The following TRHDE variants were observed in gnomAD, a reference collection of about 807,000 sequenced individuals.
The protein encoded by TRHDE is thyrotropin-releasing hormone-degrading ectoenzyme.
TRHDE carries 72 observed loss-of-function variants against 125.7 expected under a neutral mutation model. The ratio of observed to expected loss-of-function variants is 0.57; its 90% CI spans 0.47 to 0.70. The LOEUF (loss-of-function observed/expected upper bound fraction) is 0.70. TRHDE is among the 30% of genes least tolerant of loss of function. The pLI, the probability that TRHDE is intolerant of heterozygous loss-of-function variation, is 0.00. For synonymous variants in TRHDE, 509 were observed against 509.1 expected (o/e 1.00, Z 0.00); for missense variants, 1,110 against 1,327.1 (o/e 0.84, Z 2.54).
rs1470273676 is a variant in TRHDE, at chr12:72,516,653, T to C, written c.1722+17018T>C. 2.6e-5 allele frequency among the ~76,000 whole-genome samples: 4 copies of C among 152,024 alleles called. No homozygotes were observed. The East Asian group carries it at 7.7e-4, about 29-fold the overall frequency. ...CCCTTTATTTCCTTCTCCTGCCTAATTGCCCTGGCCAGAACTTCCAACACT... is the reference window on the plus strand; with the variant it reads ...CCCTTTATTTCCTTCTCCTGCCTAACTGCCCTGGCCAGAACTTCCAACACT... On this transcript the variant is annotated intron_variant, in intron 6 of 18. Transcript: ENST00000261180.
At chr12:72,355,731 G>T (rs1363467930) in intron 2 of TRHDE, among the ~76,000 whole-genome samples, 1 of 151,730 alleles carries the variant, frequency 6.6e-6, no homozygotes, top group Non-Finnish European at 1.5e-5. Flanking sequence ...CCATTAAAAA[G>T]AGGGCATAGA....
intron 2 of TRHDE, among the ~76,000 whole-genome samples, chr12:72,307,405 C>A (rs540244873): frequency 6.7e-6 from 1 of 149,820 alleles, no homozygotes; most frequent in Non-Finnish European, 1.5e-5. Flanking sequence ...GAACTCCTGG[C>A]GTCAAGTGGA....
chr12:72,282,297 T>A lies in TRHDE; in HGVS notation c.915-4384T>A, dbSNP rs1879723377. Among the ~76,000 whole-genome samples the A allele has an allele frequency of 2.6e-5, 4 of 152,170 alleles. No individual in the cohort carries two copies. In the South Asian group the frequency reaches 8.3e-4, roughly 31 times the overall value. ...ATTTCGATTTTTAATTAATTTTTTA[T>A]ATTTATTATACTTGGTATTCTGCTT... is the stretch of plus-strand genomic sequence containing the variant. On this transcript the variant is annotated intron_variant, in intron 1 of 18. Coordinates refer to ENST00000261180, the MANE Select transcript of TRHDE (RefSeq NM_013381.3).
chr12:72,607,227 T>A (rs1388616136), intron 12 of TRHDE, among the ~76,000 whole-genome samples: 1 of 152,164 alleles, frequency 6.6e-6, no homozygotes, highest in African/African-American at 2.4e-5. Context: ...TGTTCCTCTG[T>A]CCCCTCTTTT....
At chr12:72,557,294 A>T (rs1869969815) in intron 7 of TRHDE, among the ~76,000 whole-genome samples, 1 of 152,200 alleles carries the variant, frequency 6.6e-6, no homozygotes, top group African/African-American at 2.4e-5. Flanking sequence ...TGCTGCTGCC[A>T]TCTAGCCATG....
intron 2 of TRHDE, among the ~76,000 whole-genome samples, chr12:72,161,896 C>G (rs1475875898): frequency 6.6e-6 from 1 of 152,222 alleles, no homozygotes; most frequent in Admixed American, 6.5e-5. Flanking sequence ...CCATTGTACA[C>G]TTTAAATATA....
chr12:72,621,785 A>T (rs935909267), intron 15 of TRHDE, 34 bp downstream of exon 15: 4 of 1,469,908 alleles, frequency 2.7e-6, no homozygotes, highest in Non-Finnish European at 3.7e-6. Flanking sequence ...TTCTGATATT[A>T]TTTAATAGTG....
rs1565796038 is a variant in TRHDE, at chr12:72,575,249, T to C, written c.2132-6T>C. 1 of 1,610,764 alleles carries C rather than the reference T, an allele frequency of 6.2e-7. No individual in the cohort carries two copies. The highest frequency in any genetic ancestry group is 1.3e-5 in the African/African-American group (1 of 74,754). On this transcript the variant is annotated splice_polypyrimidine_tract_variant and splice_region_variant and intron_variant, in intron 10 of 18. Coordinates refer to ENST00000261180, the MANE Select transcript of TRHDE (RefSeq NM_013381.3). ...TTGAAATCTATCCCAAAAATGCTTT[T>C]TTCAGAGCACCACAGAATAACTTAT...
chr12:72,199,006 G>C (rs1002559082), intron 2 of TRHDE, among the ~76,000 whole-genome samples: 17 of 152,034 alleles, frequency 1.1e-4, no homozygotes, highest in Admixed American at 1.3e-4. Context: ...TTTTAAATCA[G>C]ATCTCGTGAG....
intron 2 of TRHDE, among the ~76,000 whole-genome samples, chr12:72,326,764 C>T (rs960261180): frequency 4.6e-5 from 7 of 152,058 alleles, no homozygotes; most frequent in East Asian, 1.9e-4. Flanking sequence ...ACACGAAAAA[C>T]GTAGGAAGTC....
intron 2 of TRHDE, among the ~76,000 whole-genome samples, chr12:72,319,882 T>C (rs527255467): frequency 6.6e-6 from 1 of 152,142 alleles, no homozygotes; most frequent in Admixed American, 6.6e-5. Flanking sequence ...CATAATTGAA[T>C]TGAATAGCTG....
intron 15 of TRHDE, among the ~76,000 whole-genome samples, chr12:72,644,138 T>C (rs535489373): frequency 2.0e-5 from 3 of 152,276 alleles, no homozygotes; most frequent in African/African-American, 7.2e-5. Context: ...CAGAAACTAA[T>C]TGAAATGTTC....
intron 3 of TRHDE, among the ~76,000 whole-genome samples, chr12:72,392,986 C>T (rs1184056022): frequency 6.6e-6 from 1 of 151,938 alleles, no homozygotes; most frequent in East Asian, 1.9e-4. Flanking sequence ...CAATTTATTA[C>T]ATACATTTAA....
At chr12:72,148,921 C>T (rs548700057) in intron 2 of TRHDE, among the ~76,000 whole-genome samples, 1 of 152,252 alleles carries the variant, frequency 6.6e-6, no homozygotes, top group African/African-American at 2.4e-5. Context: ...CTGCAATGAA[C>T]AGACAGCTCC....
chr12:72,105,634 T>C (rs1875169151), intron 1 of TRHDE: 1 of 152,158 alleles, frequency 6.6e-6, no homozygotes, highest in South Asian at 2.1e-4. Context: ...ATTACAATTA[T>C]TATTATCTTA....
chr12:72,351,785 G>C (rs1318188175), intron 2 of TRHDE, among the ~76,000 whole-genome samples: 1 of 151,882 alleles, frequency 6.6e-6, no homozygotes, highest in African/African-American at 2.4e-5. Context: ...ACTTAAGATA[G>C]ACATATAGCT....
chr12:72,230,460 CAT>C (rs1022043863), intron 2 of TRHDE, among the ~76,000 whole-genome samples: 3 of 152,122 alleles, frequency 2.0e-5, no homozygotes, highest in African/African-American at 7.2e-5. Flanking sequence ...TCAATCACAT[CAT>C]AGTCAATTTA....
intron 12 of TRHDE, among the ~76,000 whole-genome samples, chr12:72,579,626 A>C (rs1036062054): frequency 6.6e-6 from 1 of 152,072 alleles, no homozygotes; most frequent in Non-Finnish European, 1.5e-5. Context: ...ATGTCAAGGC[A>C]TTCCTTTTAT....
intron 3 of TRHDE, among the ~76,000 whole-genome samples, chr12:72,466,559 T>G (rs1334677669): frequency 2.0e-5 from 3 of 152,236 alleles, no homozygotes; most frequent in Non-Finnish European, 4.4e-5. Context: ...AGGTAAAATC[T>G]TATATAAAAT....
Sources: gnomAD v4.1 joint callset for allele counts (sites outside exome capture counted in the v4.1 genomes callset) on GRCh38, gnomAD v4.1.1 for gene constraint, MANE v1.5 for transcripts, NCBI Gene and HGNC (gene_info 2026-07-23, HGNC 2026-07-21) for gene names.